The following XKR6 variants were observed in gnomAD, a reference collection of about 807,000 sequenced individuals.
The protein encoded by XKR6 is XK related 6.
Under a neutral mutation model 56.7 loss-of-function variants are expected in XKR6, and 22 were observed. That is an observed-to-expected ratio of 0.39 (90% CI 0.28 to 0.55). XKR6 has a LOEUF of 0.55. Ranked by LOEUF, XKR6 falls within the 20% of genes least tolerant of loss-of-function variation. The pLI, the probability that XKR6 is intolerant of heterozygous loss-of-function variation, is 0.66. For synonymous variants in XKR6, 524 were observed against 387.8 expected (o/e 1.35, Z -4.13); for missense variants, 852 against 889.0 (o/e 0.96, Z 0.53).
At chr8:10,975,383 C>T (rs77412214) in intron 1 of XKR6, among the ~76,000 whole-genome samples, 12,757 of 152,300 alleles carry the variant, frequency 0.084, 596 homozygotes, top group Middle Eastern at 0.12. Context: ...TCCTCCCCAG[C>T]GCGCCTAAAG....
At chr8:10,971,659 C>T (rs1802414339) in intron 1 of XKR6, among the ~76,000 whole-genome samples, 1 of 152,052 alleles carries the variant, frequency 6.6e-6, no homozygotes, top group South Asian at 2.1e-4. Flanking sequence ...TCCTAACTAC[C>T]TTCACTTTTT....
chr8:11,085,623 C>T (rs1223692946), intron 1 of XKR6, among the ~76,000 whole-genome samples: 1 of 152,134 alleles, frequency 6.6e-6, no homozygotes, highest in African/African-American at 2.4e-5. Context: ...CACTGGGGTG[C>T]CCAGGAAAGA....
rs565656604 is a variant in XKR6 at position 10,896,962 on chromosome 8, C to G, written c.*990G>C. On this transcript the variant is annotated 3_prime_UTR_variant, in exon 3 of 3. Transcript: ENST00000416569. ...AAGTATTGTGCCTTTAAACTGATGT[C>G]GTTCTTTTTGCTACTATGCTGAGTT... The G allele has an allele frequency of 1.3e-5, 2 of 152,502 alleles. No individual in the cohort carries two copies. Among genetic ancestry groups the G allele is most frequent in the African/African-American group, 4.8e-5 (2 of 41,394 alleles). The allele number at this position is 152,502 out of a possible 1,614,324, so 9.4% of individuals were successfully genotyped here. A position where few individuals can be genotyped will look rare whatever the true frequency, so the allele number is the denominator to read the frequency against.
chr8:11,003,861 C>T (rs896091914), intron 1 of XKR6, among the ~76,000 whole-genome samples: 4 of 152,154 alleles, frequency 2.6e-5, no homozygotes, highest in African/African-American at 7.2e-5. Flanking sequence ...GCAAAAGGTT[C>T]CCAAGGGAGA....
chr8:11,180,542 G>C (rs1184724724), intron 1 of XKR6, among the ~76,000 whole-genome samples: 1 of 152,236 alleles, frequency 6.6e-6, no homozygotes, highest in Non-Finnish European at 1.5e-5. Flanking sequence ...AACAAGTAAA[G>C]GAAACAGCAT....
intron 1 of XKR6, among the ~76,000 whole-genome samples, chr8:11,034,522 T>C (rs538985100): frequency 1.3e-5 from 2 of 152,298 alleles, no homozygotes; most frequent in South Asian, 2.1e-4. Context: ...GCAGGTAAGA[T>C]TGGCTTTTAC....
intron 1 of XKR6, among the ~76,000 whole-genome samples, chr8:10,993,668 C>G (rs181642655): frequency 2.0e-4 from 30 of 152,354 alleles, no homozygotes; most frequent in African/African-American, 6.5e-4. Flanking sequence ...CTGCTCCTAG[C>G]TCACCCGACA....
At chr8:11,118,901 AG>A (rs1799307579) in intron 1 of XKR6, among the ~76,000 whole-genome samples, 1 of 152,078 alleles carries the variant, frequency 6.6e-6, no homozygotes, top group Non-Finnish European at 1.5e-5. Flanking sequence ...TTGTGATGTT[AG>A]GGTGTCAATT....
At chr8:10,988,490 T>G (rs551290723) in intron 1 of XKR6, among the ~76,000 whole-genome samples, 1 of 152,182 alleles carries the variant, frequency 6.6e-6, no homozygotes, top group Non-Finnish European at 1.5e-5. Context: ...GCAGGAGAAC[T>G]GAGAACCCCC....
intron 1 of XKR6, among the ~76,000 whole-genome samples, chr8:11,046,857 A>C (rs1322257800): frequency 6.6e-6 from 1 of 152,216 alleles, no homozygotes; most frequent in Non-Finnish European, 1.5e-5. Flanking sequence ...ACATGGATGA[A>C]CCTGGAGGAC....
At chr8:10,947,202 T>A (rs897949113) in intron 1 of XKR6, among the ~76,000 whole-genome samples, 1 of 152,094 alleles carries the variant, frequency 6.6e-6, no homozygotes, top group East Asian at 1.9e-4. Context: ...TAGCTCTCAG[T>A]GGCAGAGGAA....
At chr8:11,108,575 T>C (rs1255302890) in intron 1 of XKR6, 1 of 336,720 alleles carries the variant, frequency 3.0e-6, no homozygotes, top group Non-Finnish European at 5.7e-6. Context: ...TTGGACTCTA[T>C]TTCTATCACC....
Position 11,200,659 on chromosome 8 carries a change from C to A in XKR6, c.681G>T (p.Thr227=). 2 of 1,555,856 alleles carry A rather than the reference C, an allele frequency of 1.3e-6. No individual in the cohort carries two copies. Among genetic ancestry groups the A allele is most frequent in the Admixed American group, 4.2e-5 (2 of 47,460 alleles). Reference sequence around the variant, plus strand: ...GGCGACACAGGCGCTGCGCCCCCGGCGTGGGGGAGACCCTCACGCCTGGGC... The same window carrying A: ...GGCGACACAGGCGCTGCGCCCCCGGAGTGGGGGAGACCCTCACGCCTGGGC... ...RGGPGVRVSP[T]PGAQRLCRLS... is the part of the protein sequence containing the mutation. The change falls in exon 1 of 3, where the codon ACG becomes ACT. Residue 227 remains threonine (T), a synonymous_variant. Coordinates refer to ENST00000416569, the MANE Select transcript of XKR6 (RefSeq NM_173683.4). The surrounding 1 kb of genome is among the most constrained non-coding windows in gnomAD (Gnocchi z 6.4).
chr8:10,984,863 G>A (rs1797824880), intron 1 of XKR6, among the ~76,000 whole-genome samples: 1 of 151,422 alleles, frequency 6.6e-6, no homozygotes, highest in Admixed American at 6.6e-5. Flanking sequence ...ACATTGTAAA[G>A]TTGTTGATTC....
intron 1 of XKR6, among the ~76,000 whole-genome samples, chr8:11,097,807 C>CAAAAA (rs1196874380): frequency 0.017 from 1,092 of 62,820 alleles, 32 homozygotes; most frequent in African/African-American, 0.041. Context: ...GACTCCATCT[C>CAAAAA]AAAAAAAAAA....
chr8:11,159,828 A>C (rs1171556246), intron 1 of XKR6, among the ~76,000 whole-genome samples: 3 of 152,202 alleles, frequency 2.0e-5, no homozygotes, highest in Non-Finnish European at 4.4e-5. Context: ...AAAAATGAAC[A>C]CAAAGAAGGT....
At chr8:10,907,269 C>T (rs778393088) in intron 2 of XKR6, among the ~76,000 whole-genome samples, 2 of 152,182 alleles carry the variant, frequency 1.3e-5, no homozygotes, top group Non-Finnish European at 2.9e-5. Flanking sequence ...GGACAAAAAG[C>T]TCTTTAACGT....
chr8:10,965,571 T>C (rs752596223), intron 1 of XKR6, among the ~76,000 whole-genome samples: 1 of 152,214 alleles, frequency 6.6e-6, no homozygotes, highest in South Asian at 2.1e-4. Flanking sequence ...AGGGGGCCTG[T>C]GGGACGGGCT....
At chr8:10,925,583 T>G (rs1475029108) in intron 1 of XKR6, among the ~76,000 whole-genome samples, 3 of 152,128 alleles carry the variant, frequency 2.0e-5, no homozygotes, top group Non-Finnish European at 4.4e-5. Context: ...GTGGGAGGGC[T>G]GAGGGGCCAA....
Sources: allele counts gnomAD v4.1 joint callset (sites outside exome capture counted in the v4.1 genomes callset), GRCh38; gene constraint gnomAD v4.1.1; non-coding constraint Gnocchi (gnomAD v3.1); transcripts MANE v1.5; gene names NCBI Gene and HGNC (gene_info 2026-07-23, HGNC 2026-07-21).